The following PARM1 variants were observed in gnomAD, a reference collection of about 807,000 sequenced individuals.
The protein encoded by PARM1 is WSC4, cell wall integrity and stress response component 4 homolog.
In PARM1, 14 loss-of-function variants were observed where a neutral mutation model predicts 24.6. The observed-to-expected ratio is 0.57, with a 90% CI of 0.38 to 0.89. PARM1 has a LOEUF of 0.89. Among genes scored for constraint, PARM1 ranks in the 40% least tolerant of loss-of-function variants. The pLI is 0.00. For synonymous variants in PARM1, 179 were observed against 156.6 expected (o/e 1.14, Z -1.07); for missense variants, 362 against 380.4 (o/e 0.95, Z 0.40).
intron 3 of PARM1, among the ~76,000 whole-genome samples, chr4:75,037,551 G>A (rs531368482): frequency 6.6e-6 from 1 of 152,140 alleles, no homozygotes; most frequent in African/African-American, 2.4e-5. Flanking sequence ...CCCTAGTTTT[G>A]TCACAATGAC....
intron 3 of PARM1, among the ~76,000 whole-genome samples, chr4:75,039,857 T>C (rs1049799667): frequency 1.3e-5 from 2 of 152,240 alleles, no homozygotes; most frequent in South Asian, 4.1e-4. Flanking sequence ...CTGATCCCTC[T>C]GTGAGAGGTG....
At chr4:74,944,012 C>T (rs1022225024) in intron 1 of PARM1, among the ~76,000 whole-genome samples, 5 of 152,108 alleles carry the variant, frequency 3.3e-5, no homozygotes, top group African/African-American at 1.2e-4. Context: ...GAAGTCTTGC[C>T]TCAAATAAAA....
At chr4:74,952,488 G>A (rs1395125419) in intron 1 of PARM1, among the ~76,000 whole-genome samples, 1 of 152,090 alleles carries the variant, frequency 6.6e-6, no homozygotes, top group Non-Finnish European at 1.5e-5. Flanking sequence ...ATTGCTTTTG[G>A]TGTTTTAGCC....
At chr4:74,976,795 G>T (rs900664905) in intron 1 of PARM1, among the ~76,000 whole-genome samples, 1 of 152,170 alleles carries the variant, frequency 6.6e-6, no homozygotes, top group African/African-American at 2.4e-5. Context: ...GACACCTCCA[G>T]GTGCGGGAGG....
chr4:74,980,675 A>G (rs1403541494), intron 1 of PARM1, among the ~76,000 whole-genome samples: 1 of 152,224 alleles, frequency 6.6e-6, no homozygotes, highest in Non-Finnish European at 1.5e-5. Context: ...AGCAAAAAGA[A>G]CAAAGCTGGA....
Position 75,047,970 on chromosome 4 carries a change from C to T in PARM1, c.*1723C>T, listed in dbSNP as rs1026245202. ...TGTCCTGATTTCATATAGTAGAAAA[C>T]AAACATTGGGTCCGACTTCAAAATG... On this transcript the variant is annotated 3_prime_UTR_variant, in exon 4 of 4. Transcript: ENST00000307428. The T allele has an allele frequency of 6.6e-6, 1 of 152,130 alleles. No homozygotes were observed. The highest frequency in any genetic ancestry group is 2.4e-5 in the African/African-American group (1 of 41,418). 9.4% of individuals were successfully genotyped at this position (152,130 alleles called of 1,614,324 possible).
chr4:75,015,095 G>A (rs760648612), intron 2 of PARM1, among the ~76,000 whole-genome samples: 27 of 151,944 alleles, frequency 1.8e-4, no homozygotes, highest in Non-Finnish European at 3.5e-4. Context: ...TTCACTTTCT[G>A]TCCCCTTCAG....
intron 3 of PARM1, among the ~76,000 whole-genome samples, chr4:75,039,269 C>T (rs924378909): frequency 4.6e-5 from 7 of 152,090 alleles, no homozygotes; most frequent in South Asian, 2.1e-4. Flanking sequence ...TGGTGGCTCA[C>T]GCCTGTAATC....
chr4:75,026,622 A>G (rs1723187055), intron 2 of PARM1, among the ~76,000 whole-genome samples: 1 of 152,226 alleles, frequency 6.6e-6, no homozygotes, highest in South Asian at 2.1e-4. Context: ...TATCAAGCCC[A>G]AACACCATGA....
chr4:74,968,032 C>G (rs189529757), intron 1 of PARM1, among the ~76,000 whole-genome samples: 97 of 152,252 alleles, frequency 6.4e-4, no homozygotes, highest in Admixed American at 3.8e-3. Flanking sequence ...TTCCTTCTTG[C>G]AAAACTTTTT....
At chr4:74,963,979 C>T (rs931024165) in intron 1 of PARM1, among the ~76,000 whole-genome samples, 5 of 152,228 alleles carry the variant, frequency 3.3e-5, no homozygotes, top group African/African-American at 1.2e-4. Flanking sequence ...ACCTGATCTA[C>T]ACAAATGTAT....
chr4:74,970,130 T>G (rs1196585398), intron 1 of PARM1: 3 of 152,222 alleles, frequency 2.0e-5, no homozygotes, highest in Non-Finnish European at 4.4e-5. Flanking sequence ...TAAAGGAAGC[T>G]TATCTTCATA....
chr4:74,982,051 C>T (rs543204637), intron 1 of PARM1, among the ~76,000 whole-genome samples: 4 of 152,206 alleles, frequency 2.6e-5, no homozygotes, highest in Admixed American at 2.0e-4. Context: ...ACCCAAATGC[C>T]TGTCAATGAT....
rs1280051718 is a variant in PARM1 at position 75,048,935 on chromosome 4, G to C, written c.*2688G>C. 3.9e-5 allele frequency: 6 copies of C among 152,586 alleles called. No individual in the cohort carries two copies. The highest frequency in any genetic ancestry group is 7.3e-5 in the Non-Finnish European group (5 of 68,034). The allele number at this position is 152,586 out of a possible 1,614,324, so 9.5% of individuals were successfully genotyped here. On this transcript the variant is annotated 3_prime_UTR_variant, in exon 4 of 4. Transcript: ENST00000307428. ...ATTTTAGCAACTATATTCTACAAAT[G>C]TTACTTATAACACACACACACACAT...
rs558225383 is a variant in PARM1, at chr4:74,976,193, C to T, written c.44-36232C>T. On this transcript the variant is annotated intron_variant, in intron 1 of 3. Transcript: ENST00000307428. Reference sequence around the variant, plus strand: ...GCCAGCGGCAGCAGTCTGGAGACTCCCTAAGATGACCAGGTTCCTGGGGAG... The same window carrying T: ...GCCAGCGGCAGCAGTCTGGAGACTCTCTAAGATGACCAGGTTCCTGGGGAG... 9.9e-5 allele frequency among the ~76,000 whole-genome samples: 15 copies of T among 152,254 alleles called. No homozygotes were observed. In the East Asian group the frequency reaches 2.7e-3, roughly 27 times the overall value.
intron 1 of PARM1, among the ~76,000 whole-genome samples, chr4:75,007,668 G>A (rs1047427326): frequency 1.3e-5 from 2 of 152,130 alleles, no homozygotes; most frequent in African/African-American, 4.8e-5. Flanking sequence ...GCAGAGACAC[G>A]AGTTCTACAC....
chr4:74,947,029 A>G (rs562263774), intron 1 of PARM1, among the ~76,000 whole-genome samples: 8 of 152,360 alleles, frequency 5.3e-5, no homozygotes, highest in African/African-American at 1.9e-4. Context: ...TGAAGAAGGC[A>G]TGGAAAAAAT....
At chr4:74,969,834 C>T (rs1418227812) in intron 1 of PARM1, 3 of 152,122 alleles carry the variant, frequency 2.0e-5, no homozygotes, top group African/African-American at 7.2e-5. Flanking sequence ...AATAAAGTAG[C>T]CAAGGAGCAA....
chr4:74,982,081 T>C (rs1043791654), intron 1 of PARM1, among the ~76,000 whole-genome samples: 1 of 152,292 alleles, frequency 6.6e-6, no homozygotes, highest in East Asian at 1.9e-4. Context: ...AATGAAAATA[T>C]GGTACATATA....
Sources: gnomAD v4.1 joint callset for allele counts (sites outside exome capture counted in the v4.1 genomes callset) on GRCh38, gnomAD v4.1.1 for gene constraint, MANE v1.5 for transcripts, NCBI Gene and HGNC (gene_info 2026-07-23, HGNC 2026-07-21) for gene names.